The following CDH13 variants were observed in gnomAD, a reference collection of about 807,000 sequenced individuals.
CDH13 encodes cadherin 13.
Under a neutral mutation model 63.8 loss-of-function variants are expected in CDH13, and 24 were observed. The ratio of observed to expected loss-of-function variants is 0.38; its 90% CI spans 0.27 to 0.53. CDH13 has a LOEUF of 0.53. CDH13 is among the 20% of genes least tolerant of loss of function. The probability of loss-of-function intolerance (pLI) is 0.85; values close to 1 mark genes in which losing one functional copy is unlikely to be tolerated. For missense variants in CDH13, 1,049 were observed against 903.1 expected, an observed-to-expected ratio of 1.16 and a Z score of -2.07; for synonymous variants, 503 against 355.3, an observed-to-expected ratio of 1.42 and a Z score of -4.67.
At position 83,611,016 on chromosome 16, in the gene CDH13, C is replaced by T. The variant is rs144946838; in HGVS notation, c.1101+8422C>T. ...TCCAATGTGTATGTAGTGACATTTC[C>T]CTGAGGCTTTAATTTGTATTTCTCT... On this transcript the variant is annotated intron_variant, in intron 8 of 13. Coordinates refer to ENST00000567109, the MANE Select transcript of CDH13 (RefSeq NM_001257.5). 3.9e-5 allele frequency among the ~76,000 whole-genome samples: 6 copies of T among 152,104 alleles called. No individual in the cohort carries two copies. The East Asian group carries it at 1.2e-3, about 29-fold the overall frequency.
At chr16:83,193,971 CCCA>C (rs2038801162) in intron 4 of CDH13, among the ~76,000 whole-genome samples, 2 of 152,186 alleles carry the variant, frequency 1.3e-5, no homozygotes, top group African/African-American at 4.8e-5. Context: ...TGCCCTCATC[CCCA>C]CAATACGAGG....
At chr16:83,109,856 G>C (rs926618541) in intron 3 of CDH13, among the ~76,000 whole-genome samples, 8 of 152,170 alleles carry the variant, frequency 5.3e-5, no homozygotes, top group African/African-American at 1.4e-4. Flanking sequence ...TCCGACTAAA[G>C]AATCTAAACA....
At chr16:83,676,690 G>A (rs1914984281) in intron 9 of CDH13, among the ~76,000 whole-genome samples, 1 of 152,194 alleles carries the variant, frequency 6.6e-6, no homozygotes, top group Admixed American at 6.5e-5. Context: ...TGACCCTGCT[G>A]GGAGTTGTTC....
At chr16:83,117,924 G>A (rs1316688938) in intron 3 of CDH13, among the ~76,000 whole-genome samples, 2 of 152,182 alleles carry the variant, frequency 1.3e-5, no homozygotes, top group Non-Finnish European at 2.9e-5. Flanking sequence ...GAAAGCAAAT[G>A]AGGTTTTAAC....
chr16:82,969,474 T>C (rs1457568551), intron 2 of CDH13, among the ~76,000 whole-genome samples: 1 of 124,502 alleles, frequency 8.0e-6, no homozygotes, highest in Non-Finnish European at 1.7e-5. Flanking sequence ...ATTTTCTGCA[T>C]ATTCTTTTTT....
At chr16:82,735,404 T>C (rs1211337043) in intron 1 of CDH13, among the ~76,000 whole-genome samples, 2 of 152,226 alleles carry the variant, frequency 1.3e-5, no homozygotes, top group Admixed American at 6.5e-5. Flanking sequence ...GTGCTATTCA[T>C]AGCAAGAATG....
chr16:82,639,969 A>C (rs559781740), intron 1 of CDH13, among the ~76,000 whole-genome samples: 1 of 152,210 alleles, frequency 6.6e-6, no homozygotes, highest in Admixed American at 6.5e-5. Flanking sequence ...ACAAATATTT[A>C]CTGGGGGAAG....
chr16:83,484,361 G>C (rs753580525), intron 6 of CDH13, among the ~76,000 whole-genome samples: 1 of 152,202 alleles, frequency 6.6e-6, no homozygotes, highest in Admixed American at 6.5e-5. Context: ...CTTCCGGTTA[G>C]GTCACACTTT....
chr16:83,747,760 C>G (rs564533659), intron 10 of CDH13, among the ~76,000 whole-genome samples: 1 of 147,828 alleles, frequency 6.8e-6, no homozygotes, highest in African/African-American at 2.5e-5. Flanking sequence ...AGTCCACATA[C>G]GAGATACATC....
intron 8 of CDH13, among the ~76,000 whole-genome samples, chr16:83,658,850 C>T (rs538763074): frequency 4.5e-4 from 65 of 143,774 alleles, no homozygotes; most frequent in African/African-American, 1.6e-3. Context: ...CACCAGGTCC[C>T]GTATCCTCAC....
chr16:83,190,569 A>C (rs1036659979), intron 4 of CDH13, among the ~76,000 whole-genome samples: 1 of 152,124 alleles, frequency 6.6e-6, no homozygotes, highest in Admixed American at 6.5e-5. Flanking sequence ...TAACACATTG[A>C]CTCTGCCCTC....
rs574810153 is a variant in CDH13 at position 83,279,635 on chromosome 16, C to T, written c.636+62138C>T. Among the ~76,000 whole-genome samples the T allele has an allele frequency of 1.6e-4, 25 of 152,304 alleles. 1 individual carries two copies. The highest frequency in any genetic ancestry group is 1.5e-3 in the Admixed American group (23 of 15,300). On this transcript the variant is annotated intron_variant, in intron 5 of 13. Coordinates refer to ENST00000567109, the MANE Select transcript of CDH13 (RefSeq NM_001257.5). ...GGCTATTAAATATGTGGAGTTGAGA[C>T]AATCGGCTATACATCTGGGAAAAAC...
At chr16:82,755,196 C>T (rs573807804) in intron 1 of CDH13, among the ~76,000 whole-genome samples, 1 of 152,330 alleles carries the variant, frequency 6.6e-6, no homozygotes, top group East Asian at 1.9e-4. Context: ...GCCTGCAGCC[C>T]TACTCCATGT....
chr16:83,314,964 C>G (rs139419358), intron 5 of CDH13, among the ~76,000 whole-genome samples: 4 of 152,178 alleles, frequency 2.6e-5, no homozygotes, highest in Non-Finnish European at 5.9e-5. Flanking sequence ...CTTGAAAAGA[C>G]TTGGGAGGTG....
intron 1 of CDH13, among the ~76,000 whole-genome samples, chr16:82,677,915 C>T (rs1002335932): frequency 4.6e-5 from 7 of 152,128 alleles, no homozygotes; most frequent in African/African-American, 1.7e-4. Context: ...TTTGCCATCT[C>T]TAAATGATTG....
chr16:83,453,760 C>G (rs201466286), intron 6 of CDH13, among the ~76,000 whole-genome samples: 1 of 59,278 alleles, frequency 1.7e-5, no homozygotes, highest in Non-Finnish European at 3.8e-5. Context: ...CCATGTATCT[C>G]CACCATGTAT....
Position 82,708,838 on chromosome 16 carries a change from A to G in CDH13, c.45+81701A>G, listed in dbSNP as rs141123269. On this transcript the variant is annotated intron_variant, in intron 1 of 13. Transcript: ENST00000567109. ...TGCACAGTGTGAATATCAGAGTACTATGTGAGAAAGTACTCTGTGGAGCTG... is the reference window on the plus strand; with the variant it reads ...TGCACAGTGTGAATATCAGAGTACTGTGTGAGAAAGTACTCTGTGGAGCTG... Among the ~76,000 whole-genome samples the G allele has an allele frequency of 2.3e-3, 353 of 152,306 alleles. 1 individual carries two copies. Among genetic ancestry groups the G allele is most frequent in the African/African-American group, 8.2e-3 (341 of 41,576 alleles).
intron 11 of CDH13, among the ~76,000 whole-genome samples, chr16:83,759,860 C>T (rs1913816868): frequency 6.6e-6 from 1 of 150,690 alleles, no homozygotes; most frequent in African/African-American, 2.4e-5. Flanking sequence ...CCCAGGAGTT[C>T]AAGGCTGCAG....
At chr16:83,426,802 C>T (rs2071915864) in intron 6 of CDH13, among the ~76,000 whole-genome samples, 1 of 151,150 alleles carries the variant, frequency 6.6e-6, no homozygotes, top group Non-Finnish European at 1.5e-5. Flanking sequence ...TAACATGACC[C>T]ATCTCTTTTC....
Sources: gnomAD v4.1 joint callset for allele counts (sites outside exome capture counted in the v4.1 genomes callset) on GRCh38, gnomAD v4.1.1 for gene constraint, MANE v1.5 for transcripts, NCBI Gene and HGNC (gene_info 2026-07-23, HGNC 2026-07-21) for gene names.